The following FBN3 variants were observed in gnomAD, a reference collection of about 807,000 sequenced individuals.
FBN3 encodes fibrillin 3.
Under a neutral mutation model 330.1 loss-of-function variants are expected in FBN3, and 234 were observed. The observed-to-expected ratio is 0.71, with a 90% CI of 0.64 to 0.79. The LOEUF (loss-of-function observed/expected upper bound fraction) is 0.79. FBN3 is among the 30% of genes least tolerant of loss of function. The probability of loss-of-function intolerance (pLI) is 0.00; values close to 1 mark genes in which losing one functional copy is unlikely to be tolerated. For missense variants in FBN3, 3,606 were observed against 3,886.9 expected (o/e 0.93, Z 1.92); for synonymous variants, 1,458 against 1,517.3 (o/e 0.96, Z 0.91).
rs1280206078 is a variant in FBN3 at position 8,131,132 on chromosome 19, T to A, written c.2044+103A>T. Reference sequence around the variant, plus strand: ...AAGCCGTCTGGTCTGGGGCACTTTGTTACGGGAACCCCGGGCCAACTCCTA... The same window carrying A: ...AAGCCGTCTGGTCTGGGGCACTTTGATACGGGAACCCCGGGCCAACTCCTA... On this transcript the variant is annotated intron_variant, in intron 16 of 63. Coordinates refer to ENST00000600128, the MANE Select transcript of FBN3 (RefSeq NM_032447.5). This position sits in a 1 kb window ranked among gnomAD's most constrained non-coding sequence, Gnocchi z 4.5. 1 of 1,110,950 alleles carries A rather than the reference T, an allele frequency of 9.0e-7. No homozygotes were observed. 68.8% of individuals were successfully genotyped at this position (1,110,950 alleles called of 1,614,324 possible). A position where few individuals can be genotyped will look rare whatever the true frequency, so the allele number is the denominator to read the frequency against.
In FBN3 at chr19:8,086,354, C is replaced by T. The variant is rs1183155041; in HGVS notation, c.6755-29G>A. 2.8e-5 allele frequency: 44 copies of T among 1,566,134 alleles called. No individual in the cohort carries two copies. In the Middle Eastern group the frequency reaches 5.1e-4, roughly 18 times the overall value. On this transcript the variant is annotated intron_variant, in intron 54 of 63. Coordinates refer to ENST00000600128, the MANE Select transcript of FBN3 (RefSeq NM_032447.5). ...AGATGGGAGGGGTGAGGCAGGTGGG[C>T]GGGGAGGCCACAGGCAGCCAGCCTC...
At chr19:8,090,477 G>A (rs1159088563) in intron 48 of FBN3, among the ~76,000 whole-genome samples, 1 of 119,116 alleles carries the variant, frequency 8.4e-6, no homozygotes, top group Admixed American at 8.2e-5. Flanking sequence ...TGTTGTTGGT[G>A]GTGGTGGTGG....
rs1203385075 is a variant in FBN3 at position 8,087,205 on chromosome 19, T to C, written c.6626A>G (p.Asp2209Gly). 6.3e-7 allele frequency: 1 copy of C among 1,591,474 alleles called. No individual in the cohort carries two copies. The highest frequency in any genetic ancestry group is 1.3e-5 in the African/African-American group (1 of 74,264). ...REDGAMCRDV[D>G]ECADGQQDCH... ...GTCCTGCTGACCATCTGCACACTCG[T>C]CCACATCTTCGGATGACCAGAGACA... The change falls in exon 54 of 64, where the codon GAC becomes GGC. Residue 2209 changes from aspartate (D) to glycine (G), a missense_variant. Transcript: ENST00000600128.
chr19:8,077,327 A>C (rs1006488337), intron 59 of FBN3, among the ~76,000 whole-genome samples: 1 of 152,146 alleles, frequency 6.6e-6, no homozygotes, highest in Admixed American at 6.5e-5. Context: ...CACTAAGCAC[A>C]TATCTATGGA....
At chr19:8,122,670 C>T (rs868612536) in intron 24 of FBN3, among the ~76,000 whole-genome samples, 3 of 145,310 alleles carry the variant, frequency 2.1e-5, no homozygotes, top group South Asian at 2.2e-4. Context: ...CCTGGCCCAG[C>T]GCCCCCTTTT....
At position 8,111,676 on chromosome 19, in the gene FBN3, G is replaced by A. The variant is rs138217583; in HGVS notation, c.4056C>T (p.Gly1352=). 4.1e-3 allele frequency: 6,006 copies of A among 1,478,086 alleles called. 25 individuals carry two copies. Among genetic ancestry groups the A allele is most frequent in the Non-Finnish European group, 5.0e-3 (5,454 of 1,092,636 alleles). The allele number at this position is 1,478,086 out of a possible 1,614,324, so 91.6% of individuals were successfully genotyped here. A position where few individuals can be genotyped will look rare whatever the true frequency, so the allele number is the denominator to read the frequency against. ...PGSYRCTCRQ[G]FAGDGFFCED... ...CGCAGAAGAAGCCATCCCCGGCAAA[G>A]CCCTGGCGGCAGGTGCAGCGGTAGG... Residue 1352 remains glycine, a synonymous_variant, in exon 32 of 64, where the codon GGC becomes GGT. Transcript: ENST00000600128.
Position 8,138,338 on chromosome 19 carries a change from G to A in FBN3, c.1019-15C>T. On this transcript the variant is annotated splice_polypyrimidine_tract_variant and intron_variant, in intron 9 of 63. Transcript: ENST00000600128. ...CTGGAATTCATCTGCAAGGAAGCAG[G>A]GTTGAGGCCAGGCCCTTGGCCCTCC... 2 of 1,612,258 alleles carry A rather than the reference G, an allele frequency of 1.2e-6. No homozygotes were observed. The highest frequency in any genetic ancestry group is 1.1e-5 in the South Asian group (1 of 90,992).
At chr19:8,111,942 T>A in intron 31 of FBN3, 35 bp downstream of exon 31, 1 of 633,828 alleles carries the variant, frequency 1.6e-6, no homozygotes, top group Non-Finnish European at 2.3e-6. Flanking sequence ...CTACCTCTAC[T>A]GCTTTGCCCC....
intron 27 of FBN3, 32 bp from the exon 28 acceptor site, chr19:8,117,323 C>T: frequency 1.6e-6 from 1 of 623,668 alleles, no homozygotes; most frequent in Non-Finnish European, 2.6e-6. Context: ...GGGGCTGGGG[C>T]TGGGGGGAGG....
chr19:8,143,799 C>G (rs1599451932), intron 6 of FBN3, among the ~76,000 whole-genome samples: 1 of 73,700 alleles, frequency 1.4e-5, no homozygotes, highest in Non-Finnish European at 3.9e-5. Context: ...GGCCTCTTTT[C>G]TTTCTTTCTT....
rs2082514577 is a variant in FBN3 at position 8,109,055 on chromosome 19, T to C, written c.4618+172A>G. 1.3e-5 allele frequency among the ~76,000 whole-genome samples: 2 copies of C among 152,098 alleles called. No individual in the cohort carries two copies. Among genetic ancestry groups the C allele is most frequent in the South Asian group, 2.1e-4 (1 of 4,822 alleles). Reference sequence around the variant, plus strand: ...CGACCTTGGAGAGAGGCCCAGCCAATGAACTACCAAGACGTACACTGTGTG... The same window carrying C: ...CGACCTTGGAGAGAGGCCCAGCCAACGAACTACCAAGACGTACACTGTGTG... On this transcript the variant is annotated intron_variant, in intron 36 of 63. Transcript: ENST00000600128. This position sits in a 1 kb window ranked among gnomAD's most constrained non-coding sequence, Gnocchi z 5.2.
chr19:8,088,137 G>T lies in FBN3; in HGVS notation c.6419C>A (p.Thr2140Lys). 1 of 1,613,464 alleles carries T rather than the reference G, an allele frequency of 6.2e-7. No homozygotes were observed. The highest frequency in any genetic ancestry group is 2.2e-5 in the East Asian group (1 of 44,860). ...GAAGCCTCCGATGACATTGGTGCAT[G>T]TCCCTTGCCCACAGGGGTGGCCGAC... is the stretch of plus-strand genomic sequence containing the variant. ...CSVGHPCGQGTCTNVIGGFEC... is the reference protein window; with the variant it reads ...CSVGHPCGQGKCTNVIGGFEC... The change falls in exon 52 of 64, where the codon ACA (threonine) becomes AAA (lysine). Residue 2140 changes from threonine (T) to lysine (K), a missense_variant. Physicochemically the swap from Thr to Lys is moderately conservative, Grantham distance 78. Transcript: ENST00000600128.
chr19:8,142,270 G>T, intron 6 of FBN3, 133 bp from the exon 7 acceptor site: 1 of 696,160 alleles, frequency 1.4e-6, no homozygotes, highest in East Asian at 2.7e-5. Context: ...TTACTAAATA[G>T]AATATCTTTC....
rs2083081696 is a variant in FBN3, at chr19:8,129,762, TA to T, written c.2045-398del. Among the ~76,000 whole-genome samples, 1 of 151,998 alleles carries T rather than the reference TA, an allele frequency of 6.6e-6. No individual in the cohort carries two copies. Among genetic ancestry groups the T allele is most frequent in the Non-Finnish European group, 1.5e-5 (1 of 68,006 alleles). ...CCATACAGTGGCACTGTCATAAAAA[TA>T]AAAGCAATTATAGGCCAGATATGAT... On this transcript the variant is annotated intron_variant, in intron 16 of 63. Coordinates refer to ENST00000600128, the MANE Select transcript of FBN3 (RefSeq NM_032447.5). The surrounding 1 kb of genome is among the most constrained non-coding windows in gnomAD (Gnocchi z 4.5).
chr19:8,127,995 TG>T (rs1362576371), intron 18 of FBN3, among the ~76,000 whole-genome samples: 10 of 152,026 alleles, frequency 6.6e-5, no homozygotes, highest in African/African-American at 2.4e-4. Flanking sequence ...AGCGAGACTC[TG>T]TCTCAAAAAG....
intron 54 of FBN3, 76 bp downstream of exon 54, chr19:8,087,001 C>A: frequency 6.6e-7 from 1 of 1,520,998 alleles, no homozygotes; most frequent in Non-Finnish European, 8.8e-7. Context: ...TCACCGTGCC[C>A]GGTCCAACCC....
rs61673987 is a variant in FBN3 at position 8,102,284 on chromosome 19, G to A, written c.5089+440C>T. On this transcript the variant is annotated intron_variant, in intron 40 of 63. Coordinates refer to ENST00000600128, the MANE Select transcript of FBN3 (RefSeq NM_032447.5). Reference sequence around the variant, plus strand: ...GGCTGGAGCGCAGTGGCATGATCGCGGCTCACTGGAAACCCCACTTCCCGG... The same window carrying A: ...GGCTGGAGCGCAGTGGCATGATCGCAGCTCACTGGAAACCCCACTTCCCGG... Among the ~76,000 whole-genome samples the A allele has an allele frequency of 6.2e-3, 937 of 151,514 alleles. 13 individuals carry two copies. The highest frequency in any genetic ancestry group is 0.022 in the African/African-American group (889 of 41,256).
In FBN3 at chr19:8,126,837, G is replaced by A. The variant is rs1407068920; in HGVS notation, c.2297-5C>T. ...TGGACAGGCATTCGTCGACATCTGT[G>A]GGGACAGCCCCCCACCAGGTCCTGA... On this transcript the variant is annotated splice_polypyrimidine_tract_variant and splice_region_variant and intron_variant, in intron 18 of 63. Coordinates refer to ENST00000600128, the MANE Select transcript of FBN3 (RefSeq NM_032447.5). The A allele has an allele frequency of 6.5e-7, 1 of 1,546,746 alleles. No homozygotes were observed. The highest frequency in any genetic ancestry group is 2.1e-5 in the Admixed American group (1 of 47,846).
intron 56 of FBN3, among the ~76,000 whole-genome samples, chr19:8,083,588 G>C (rs916462020): frequency 1.3e-5 from 2 of 151,838 alleles, no homozygotes; most frequent in Non-Finnish European, 2.9e-5. Context: ...CAGGGAAGGG[G>C]ACTCACACCC....
Sources: allele counts gnomAD v4.1 joint callset (sites outside exome capture counted in the v4.1 genomes callset), GRCh38; gene constraint gnomAD v4.1.1; non-coding constraint Gnocchi (gnomAD v3.1); transcripts MANE v1.5; gene names NCBI Gene and HGNC (gene_info 2026-07-23, HGNC 2026-07-21).